Variants in ITGA4 observed in about 807,000 individuals in gnomAD.
ITGA4 encodes the protein integrin alpha-4.
ITGA4 carries 63 observed loss-of-function variants against 133.6 expected under a neutral mutation model. The observed-to-expected ratio is 0.47, with a 90% CI of 0.38 to 0.58. ITGA4 has a LOEUF of 0.58. Ranked by LOEUF, ITGA4 falls within the 20% of genes least tolerant of loss-of-function variation. The pLI, the probability that ITGA4 is intolerant of heterozygous loss-of-function variation, is 0.00. For missense variants in ITGA4, 1,076 were observed against 1,252.7 expected (o/e 0.86, Z 2.13); for synonymous variants, 483 against 438.0 (o/e 1.10, Z -1.28).
chr2:181,476,029 G>C (rs1298363664), intron 4 of ITGA4: 1 of 900,040 alleles, frequency 1.1e-6, no homozygotes, highest in Non-Finnish European at 1.5e-6. Flanking sequence ...AATTTTATTG[G>C]TTGGCAAAAC....
intron 15 of ITGA4, among the ~76,000 whole-genome samples, chr2:181,501,450 G>T (rs188914460): frequency 3.3e-5 from 5 of 152,280 alleles, no homozygotes; most frequent in African/African-American, 1.2e-4. Context: ...TTTTGGCAGA[G>T]AAGTCACATG....
At chr2:181,470,187 A>T (rs1406417856) in intron 2 of ITGA4, among the ~76,000 whole-genome samples, 1 of 152,208 alleles carries the variant, frequency 6.6e-6, no homozygotes, top group Non-Finnish European at 1.5e-5. Context: ...TCAAAAATTT[A>T]AAAATAGAAC....
chr2:181,534,238 AC>A lies in ITGA4; in HGVS notation c.2785-32del, dbSNP rs777863601. 7 of 1,262,266 alleles carry A rather than the reference AC, an allele frequency of 5.5e-6. No individual in the cohort carries two copies. In the South Asian group the frequency reaches 8.5e-5, roughly 15 times the overall value. 78.2% of individuals were successfully genotyped at this position (1,262,266 alleles called of 1,614,324 possible). A position where few individuals can be genotyped will look rare whatever the true frequency, so the allele number is the denominator to read the frequency against. On this transcript the variant is annotated intron_variant, in intron 25 of 27. Coordinates refer to ENST00000397033, the MANE Select transcript of ITGA4 (RefSeq NM_000885.6). ...GATAAATTATGTCTTTATGAAATAA[AC>A]CAGGCTATGGTGATCCTTCTTTTAT... is the stretch of plus-strand genomic sequence containing the variant.
At chr2:181,514,978 G>A (rs888858752) in intron 17 of ITGA4, among the ~76,000 whole-genome samples, 1 of 151,974 alleles carries the variant, frequency 6.6e-6, no homozygotes, top group Non-Finnish European at 1.5e-5. Context: ...GAAGTATAAG[G>A]CTGTGTTTCT....
chr2:181,461,333 G>T (rs1472425996), intron 2 of ITGA4, among the ~76,000 whole-genome samples: 3 of 151,054 alleles, frequency 2.0e-5, no homozygotes, highest in Admixed American at 6.6e-5. Context: ...CATATATATT[G>T]TTGGCCTCCT....
intron 17 of ITGA4, among the ~76,000 whole-genome samples, chr2:181,513,185 C>T (rs1389447138): frequency 6.6e-6 from 1 of 152,060 alleles, no homozygotes; most frequent in Non-Finnish European, 1.5e-5. Context: ...TCTCTCACTA[C>T]CACATTCAAC....
Position 181,495,954 on chromosome 2 carries a change from A to G in ITGA4, c.1540+17A>G, listed in dbSNP as rs1350618661. 1.9e-6 allele frequency: 3 copies of G among 1,611,486 alleles called. No homozygotes were observed. Among genetic ancestry groups the G allele is most frequent in the African/African-American group, 2.7e-5 (2 of 74,820 alleles). On this transcript the variant is annotated intron_variant, in intron 14 of 27. Coordinates refer to ENST00000397033, the MANE Select transcript of ITGA4 (RefSeq NM_000885.6). The surrounding 1 kb of genome is among the most constrained non-coding windows in gnomAD (Gnocchi z 4.3). Reference sequence around the variant, plus strand: ...GTTACATTGGTGGGTATGCCCTACAATATTAATGCTTGATGGGGTGCGGTT... The same window carrying G: ...GTTACATTGGTGGGTATGCCCTACAGTATTAATGCTTGATGGGGTGCGGTT...
rs567697906 is a variant in ITGA4, at chr2:181,529,770, C to T, written c.2538+122C>T. 3.6e-5 allele frequency: 21 copies of T among 588,062 alleles called. 1 individual carries two copies. Among genetic ancestry groups the T allele is most frequent in the African/African-American group, 3.2e-4 (17 of 53,180 alleles). 36.4% of individuals were successfully genotyped at this position (588,062 alleles called of 1,614,324 possible). A position where few individuals can be genotyped will look rare whatever the true frequency, so the allele number is the denominator to read the frequency against. On this transcript the variant is annotated intron_variant, in intron 23 of 27. Coordinates refer to ENST00000397033, the MANE Select transcript of ITGA4 (RefSeq NM_000885.6). Reference sequence around the variant, plus strand: ...GATAATTGTTAACTTACTTCAGTCACACTCTAAGCTATGAATTCACCATGC... The same window carrying T: ...GATAATTGTTAACTTACTTCAGTCATACTCTAAGCTATGAATTCACCATGC...
intron 9 of ITGA4, among the ~76,000 whole-genome samples, chr2:181,483,499 A>G (rs961822692): frequency 2.0e-5 from 3 of 152,204 alleles, no homozygotes; most frequent in Non-Finnish European, 2.9e-5. Context: ...ATTTGTAACT[A>G]TGTTCAGTCA....
intron 23 of ITGA4, 74 bp downstream of exon 23, chr2:181,529,722 A>G: frequency 3.9e-6 from 3 of 762,724 alleles, no homozygotes; most frequent in African/African-American, 1.7e-5. Context: ...CCAATCCTTT[A>G]TTCGAGTAAT....
At chr2:181,513,168 A>G (rs1686538819) in intron 17 of ITGA4, among the ~76,000 whole-genome samples, 1 of 151,994 alleles carries the variant, frequency 6.6e-6, no homozygotes, top group Admixed American at 6.6e-5. Flanking sequence ...GTCCTCCCTC[A>G]GCCCTTTCTC....
At chr2:181,530,474 T>C (rs1173989351) in intron 23 of ITGA4, 50 bp from the exon 24 acceptor site, 1 of 1,553,910 alleles carries the variant, frequency 6.4e-7, no homozygotes, top group East Asian at 2.3e-5. Flanking sequence ...CTTTTTGCTG[T>C]TTTTTCCAGT....
rs540791868 is a variant in ITGA4, at chr2:181,470,571, G to A, written c.320-4389G>A. On this transcript the variant is annotated intron_variant, in intron 2 of 27. Coordinates refer to ENST00000397033, the MANE Select transcript of ITGA4 (RefSeq NM_000885.6). ...CAAACTCCCTTCAGTTGATTCTAAC[G>A]TCCAGTCAAGGCTGAGTACTGAGTG... Among the ~76,000 whole-genome samples, 14 of 152,226 alleles carry A rather than the reference G, an allele frequency of 9.2e-5. No homozygotes were observed. The South Asian group carries it at 2.1e-3, about 23-fold the overall frequency.
intron 2 of ITGA4, among the ~76,000 whole-genome samples, chr2:181,471,204 A>G (rs931821113): frequency 1.3e-5 from 2 of 152,296 alleles, no homozygotes; most frequent in Admixed American, 6.5e-5. Flanking sequence ...ATTAAGATAT[A>G]TGAAATAAGC....
intron 9 of ITGA4, 74 bp from the exon 10 acceptor site, chr2:181,485,807 C>A: frequency 7.9e-7 from 1 of 1,264,014 alleles, no homozygotes; most frequent in Non-Finnish European, 1.1e-6. Context: ...AATCCATATC[C>A]AATTACAACA....
At chr2:181,490,379 G>C (rs757194973) in intron 10 of ITGA4, among the ~76,000 whole-genome samples, 2 of 151,902 alleles carry the variant, frequency 1.3e-5, no homozygotes, top group African/African-American at 4.8e-5. Context: ...TTTACTTTCT[G>C]TGCCTGGCTT....
chr2:181,529,660 T>C lies in ITGA4; in HGVS notation c.2538+12T>C, dbSNP rs1187231851. On this transcript the variant is annotated intron_variant, in intron 23 of 27. Coordinates refer to ENST00000397033, the MANE Select transcript of ITGA4 (RefSeq NM_000885.6). Reference sequence around the variant, plus strand: ...TTTTGGATGTCCAGGTAAAAATGTATTTCTTCCATCTAACCTTTATTGTGT... The same window carrying C: ...TTTTGGATGTCCAGGTAAAAATGTACTTCTTCCATCTAACCTTTATTGTGT... 7.5e-7 allele frequency: 1 copy of C among 1,334,424 alleles called. No individual in the cohort carries two copies. The allele number at this position is 1,334,424 out of a possible 1,614,324, so 82.7% of individuals were successfully genotyped here. A position where few individuals can be genotyped will look rare whatever the true frequency, so the allele number is the denominator to read the frequency against.
Position 181,482,667 on chromosome 2 carries a change from C to A in ITGA4, c.1041+16C>A. On this transcript the variant is annotated intron_variant, in intron 9 of 27. Coordinates refer to ENST00000397033, the MANE Select transcript of ITGA4 (RefSeq NM_000885.6). The stretch of plus-strand genomic sequence containing the variant: ...CTCTGGCTCGGTATGTCCAAGTGCC[C>A]CAACTGGAAGCCATTTATGGAATTA... The A allele has an allele frequency of 1.2e-6, 2 of 1,609,682 alleles. No homozygotes were observed. The highest frequency in any genetic ancestry group is 2.2e-5 in the East Asian group (1 of 44,828).
chr2:181,513,957 T>A (rs983196419), intron 17 of ITGA4, among the ~76,000 whole-genome samples: 5 of 152,114 alleles, frequency 3.3e-5, no homozygotes, highest in African/African-American at 4.8e-5. Flanking sequence ...AGCAGGGTCC[T>A]GTCATTTTTG....
Sources: gnomAD v4.1 joint callset for allele counts (sites outside exome capture counted in the v4.1 genomes callset) on GRCh38, gnomAD v4.1.1 for gene constraint, Gnocchi (gnomAD v3.1) non-coding constraint, MANE v1.5 for transcripts, NCBI Gene and HGNC (gene_info 2026-07-23, HGNC 2026-07-21) for gene names.